Variants in PARD3B observed in about 807,000 individuals in gnomAD.
PARD3B encodes par-3 family cell polarity regulator beta.
Under a neutral mutation model 130.2 loss-of-function variants are expected in PARD3B, and 103 were observed. That is an observed-to-expected ratio of 0.79 (90% CI 0.67 to 0.93). PARD3B has a LOEUF of 0.93. Ranked by LOEUF, PARD3B falls within the 40% of genes least tolerant of loss-of-function variation. The pLI is 0.00. For missense variants in PARD3B, 1,609 were observed against 1,499.2 expected (o/e 1.07, Z -1.21); for synonymous variants, 583 against 553.2 (o/e 1.05, Z -0.76).
At chr2:204,633,507 C>T (rs1197559734) in intron 1 of PARD3B, among the ~76,000 whole-genome samples, 2 of 152,158 alleles carry the variant, frequency 1.3e-5, no homozygotes, top group Non-Finnish European at 2.9e-5. Flanking sequence ...CACCGATTGC[C>T]TCTTTTTTTA....
At chr2:205,611,563 C>T (rs962842135) in intron 22 of PARD3B, among the ~76,000 whole-genome samples, 4 of 152,268 alleles carry the variant, frequency 2.6e-5, no homozygotes, top group Non-Finnish European at 4.4e-5. Flanking sequence ...TTCTTTATTG[C>T]GTGCATCTAT....
At chr2:205,482,074 C>T (rs917477161) in intron 20 of PARD3B, among the ~76,000 whole-genome samples, 1 of 152,032 alleles carries the variant, frequency 6.6e-6, no homozygotes, top group South Asian at 2.1e-4. Flanking sequence ...GCGAGCCACT[C>T]CGGGGATCAT....
chr2:205,517,637 G>A (rs183766074), intron 21 of PARD3B, among the ~76,000 whole-genome samples: 52 of 152,008 alleles, frequency 3.4e-4, no homozygotes, highest in African/African-American at 1.1e-3. Context: ...GGGTTGATTC[G>A]TTCTTGCTTC....
At chr2:205,170,285 A>C (rs1393711262) in intron 11 of PARD3B, among the ~76,000 whole-genome samples, 14 of 152,190 alleles carry the variant, frequency 9.2e-5, no homozygotes, top group Non-Finnish European at 2.9e-5. Flanking sequence ...TCAAAATTGG[A>C]TAACAGAAAT....
intron 18 of PARD3B, among the ~76,000 whole-genome samples, chr2:205,372,563 G>A (rs2044863285): frequency 6.6e-6 from 1 of 152,184 alleles, no homozygotes; most frequent in Non-Finnish European, 1.5e-5. Flanking sequence ...AATTGGAAAT[G>A]AGAAATGTAG....
chr2:204,832,933 C>T (rs1393917452), intron 2 of PARD3B, among the ~76,000 whole-genome samples: 2 of 152,098 alleles, frequency 1.3e-5, no homozygotes, highest in South Asian at 2.1e-4. Flanking sequence ...CATTAAAGAA[C>T]GAATATGCTT....
intron 4 of PARD3B, among the ~76,000 whole-genome samples, chr2:205,085,403 A>G (rs1459067089): frequency 1.3e-5 from 2 of 151,900 alleles, no homozygotes; most frequent in African/African-American, 4.8e-5. Context: ...GTGTTTCATT[A>G]TTTCATTTTA....
chr2:205,239,466 T>C (rs181967076), intron 15 of PARD3B, among the ~76,000 whole-genome samples: 2 of 152,368 alleles, frequency 1.3e-5, no homozygotes, highest in East Asian at 3.9e-4. Flanking sequence ...GTTGAGTATC[T>C]GATTCTTTTA....
At chr2:205,048,915 C>G (rs953422586) in intron 4 of PARD3B, among the ~76,000 whole-genome samples, 4 of 152,118 alleles carry the variant, frequency 2.6e-5, no homozygotes, top group African/African-American at 4.8e-5. Flanking sequence ...TGTATGTGTT[C>G]TATTTTAATG....
At chr2:204,784,487 A>G (rs150094637) in intron 2 of PARD3B, among the ~76,000 whole-genome samples, 1 of 152,326 alleles carries the variant, frequency 6.6e-6, no homozygotes, top group East Asian at 1.9e-4. Context: ...ACAGAATAGT[A>G]CTTGCCCAAT....
intron 2 of PARD3B, among the ~76,000 whole-genome samples, chr2:204,810,391 T>C (rs2042922065): frequency 6.6e-6 from 1 of 152,202 alleles, no homozygotes; most frequent in South Asian, 2.1e-4. Flanking sequence ...TTGTCATACA[T>C]GGCTCTTACC....
intron 3 of PARD3B, among the ~76,000 whole-genome samples, chr2:204,980,219 T>C (rs1692545670): frequency 6.6e-6 from 1 of 152,190 alleles, no homozygotes; most frequent in South Asian, 2.1e-4. Flanking sequence ...GTGTTCAACT[T>C]CATCAATCGT....
intron 22 of PARD3B, among the ~76,000 whole-genome samples, chr2:205,607,406 G>T (rs1278168630): frequency 6.6e-6 from 1 of 152,202 alleles, no homozygotes; most frequent in African/African-American, 2.4e-5. Flanking sequence ...GGTCAGGCAT[G>T]CAGCCTCTGG....
At chr2:204,730,924 G>C (rs546304475) in intron 2 of PARD3B, among the ~76,000 whole-genome samples, 1 of 152,298 alleles carries the variant, frequency 6.6e-6, no homozygotes, top group South Asian at 2.1e-4. Context: ...AGCATAGAAT[G>C]TGTTGGACCA....
At chr2:205,565,308 A>C (rs766303006) in intron 22 of PARD3B, among the ~76,000 whole-genome samples, 1 of 152,178 alleles carries the variant, frequency 6.6e-6, no homozygotes, top group Non-Finnish European at 1.5e-5. Flanking sequence ...TTTTTCCTGG[A>C]AACAGTCATA....
Position 205,309,072 on chromosome 2 carries a change from T to C in PARD3B, c.2630+7371T>C, listed in dbSNP as rs2042286016. 4.0e-5 allele frequency among the ~76,000 whole-genome samples: 5 copies of C among 125,510 alleles called. No individual in the cohort carries two copies. The South Asian group carries it at 1.7e-3, about 42-fold the overall frequency. The allele number at this position is 125,510 out of a possible 152,430, so 82.3% of individuals were successfully genotyped here. A position where few individuals can be genotyped will look rare whatever the true frequency, so the allele number is the denominator to read the frequency against. ...AATCACTTTATGCCTGCTTTTGTTT[T>C]CTTTTTTGCAACTTATAAATATGGG... On this transcript the variant is annotated intron_variant, in intron 18 of 22. Coordinates refer to ENST00000406610, the MANE Select transcript of PARD3B (RefSeq NM_001302769.2). The surrounding 1 kb of genome is among the most constrained non-coding windows in gnomAD (Gnocchi z 4.7).
In PARD3B at chr2:205,564,891, C is replaced by T. The variant is rs2053266929; in HGVS notation, c.3260+11488C>T. ...CTTCTATTCCAAGTCTCTCATTAAG[C>T]CTAGACAGAAGTGACCAGGGCTTGT... On this transcript the variant is annotated intron_variant, in intron 22 of 22. Coordinates refer to ENST00000406610, the MANE Select transcript of PARD3B (RefSeq NM_001302769.2). The surrounding 1 kb of genome is among the most constrained non-coding windows in gnomAD (Gnocchi z 4.6). Among the ~76,000 whole-genome samples, 1 of 152,150 alleles carries T rather than the reference C, an allele frequency of 6.6e-6. No homozygotes were observed. Among genetic ancestry groups the T allele is most frequent in the South Asian group, 2.1e-4 (1 of 4,824 alleles).
chr2:204,983,105 C>G (rs1692816664), intron 3 of PARD3B, among the ~76,000 whole-genome samples: 1 of 152,042 alleles, frequency 6.6e-6, no homozygotes, highest in South Asian at 2.1e-4. Flanking sequence ...GAGGTTGTTA[C>G]TGCTGTTTTC....
At chr2:205,010,212 A>G (rs906835492) in intron 3 of PARD3B, among the ~76,000 whole-genome samples, 2 of 152,176 alleles carry the variant, frequency 1.3e-5, no homozygotes, top group African/African-American at 2.4e-5. Flanking sequence ...TAATTGATAC[A>G]TATTAATACA....
Sources: gnomAD v4.1 joint callset for allele counts (sites outside exome capture counted in the v4.1 genomes callset) on GRCh38, gnomAD v4.1.1 for gene constraint, Gnocchi (gnomAD v3.1) non-coding constraint, MANE v1.5 for transcripts, NCBI Gene and HGNC (gene_info 2026-07-23, HGNC 2026-07-21) for gene names.